Variants in TRAK1 observed in about 807,000 individuals in gnomAD.
The protein encoded by TRAK1 is trafficking kinesin-binding protein 1.
A neutral mutation model predicts 92.1 loss-of-function variants in TRAK1; 33 were observed. The observed-to-expected ratio is 0.36, with a 90% CI of 0.27 to 0.48. The LOEUF is 0.48. Among genes scored for constraint, TRAK1 ranks in the 20% least tolerant of loss-of-function variants. The pLI is 0.99. For missense variants in TRAK1, 1,123 were observed against 1,257.9 expected (o/e 0.89, Z 1.62); for synonymous variants, 521 against 517.3 (o/e 1.01, Z -0.10).
chr3:42,120,261 G>A (rs1391532227), intron 1 of TRAK1, among the ~76,000 whole-genome samples: 1 of 152,118 alleles, frequency 6.6e-6, no homozygotes, highest in Non-Finnish European at 1.5e-5. Context: ...CTGAAGCCAT[G>A]GACCTTTGGG....
chr3:42,014,069 C>G (rs927183273), exon 1 of TRAK1: 1 of 151,820 alleles, frequency 6.6e-6, no homozygotes, highest in African/African-American at 2.4e-5. Flanking sequence ...CACCGAGGCC[C>G]CCCGGCACCG....
chr3:42,043,871 A>C (rs757887140), intron 1 of TRAK1, among the ~76,000 whole-genome samples: 4 of 148,390 alleles, frequency 2.7e-5, no homozygotes, highest in Non-Finnish European at 5.9e-5. Context: ...ACGGCCTTCT[A>C]TACCTTTCAG....
chr3:42,214,859 A>G (rs1290482940), intron 14 of TRAK1, among the ~76,000 whole-genome samples: 1 of 152,232 alleles, frequency 6.6e-6, no homozygotes, highest in African/African-American at 2.4e-5. Flanking sequence ...AAAAAAATAA[A>G]TACCAAGCCT....
At chr3:42,152,302 T>A (rs1700053516) in intron 2 of TRAK1, among the ~76,000 whole-genome samples, 1 of 152,156 alleles carries the variant, frequency 6.6e-6, no homozygotes, top group Non-Finnish European at 1.5e-5. Flanking sequence ...TTCAAGTAAC[T>A]TTTACGAGAG....
chr3:42,047,018 TA>T (rs1417065979), intron 1 of TRAK1, among the ~76,000 whole-genome samples: 1 of 152,134 alleles, frequency 6.6e-6, no homozygotes, highest in Admixed American at 6.5e-5. Flanking sequence ...TTATCTAATT[TA>T]GGATAACATT....
intron 4 of TRAK1, among the ~76,000 whole-genome samples, chr3:42,187,822 T>C (rs1326762042): frequency 6.6e-6 from 1 of 152,240 alleles, no homozygotes; most frequent in East Asian, 1.9e-4. Context: ...GTAAAAATTA[T>C]GAATTTAGAC....
chr3:42,203,830 A>G lies in TRAK1; in HGVS notation c.1744+1078A>G, dbSNP rs559376173. ...TGTACTATATGTATATACATAAACAATACATAAGCAATACATCTGTGGTAT... is the reference window on the plus strand; with the variant it reads ...TGTACTATATGTATATACATAAACAGTACATAAGCAATACATCTGTGGTAT... On this transcript the variant is annotated intron_variant, in intron 13 of 15. Coordinates refer to ENST00000327628, the MANE Select transcript of TRAK1 (RefSeq NM_001042646.3). 12 of 846,970 alleles carry G rather than the reference A, an allele frequency of 1.4e-5. No individual in the cohort carries two copies. In the East Asian group the frequency reaches 1.2e-3, roughly 87 times the overall value. 52.5% of individuals were successfully genotyped at this position (846,970 alleles called of 1,614,324 possible).
chr3:42,112,763 A>G (rs893534035), intron 1 of TRAK1, among the ~76,000 whole-genome samples: 1 of 148,696 alleles, frequency 6.7e-6, no homozygotes, highest in Admixed American at 6.7e-5. Flanking sequence ...AAAACCAACT[A>G]ATTTTTTGTT....
chr3:42,190,254 T>C (rs1405036859), intron 6 of TRAK1, among the ~76,000 whole-genome samples: 1 of 152,116 alleles, frequency 6.6e-6, no homozygotes, highest in East Asian at 1.9e-4. Context: ...GTGTGTCAGG[T>C]TGGAGCTGTG....
chr3:42,223,607 A>C lies in TRAK1; in HGVS notation c.2732A>C (p.Asn911Thr). 1 of 1,613,876 alleles carries C rather than the reference A, an allele frequency of 6.2e-7. No homozygotes were observed. The highest frequency in any genetic ancestry group is 1.3e-5 in the African/African-American group (1 of 74,978). The change falls in exon 16 of 16, where the codon AAT becomes ACT. Residue 911 changes from asparagine (N) to threonine (T), a missense_variant. Physicochemically the swap from Asn to Thr is moderately conservative, Grantham distance 65. Around this residue, in one of 3 missense-constraint regions of TRAK1, gnomAD observed 401 missense variants for 438.9 expected, o/e 0.91. Transcript: ENST00000327628. This position sits in a 1 kb window ranked among gnomAD's most constrained non-coding sequence, Gnocchi z 6.1. ...AGTGCCATCGGTGGGCTGCAGCTCA[A>C]TAGTGGCATCCGGCGGAATCGCAGC... ...VTSAIGGLQLNSGIRRNRSFP... is the reference protein window; with the variant it reads ...VTSAIGGLQLTSGIRRNRSFP...
intron 1 of TRAK1, among the ~76,000 whole-genome samples, chr3:42,035,669 A>G (rs1702300033): frequency 6.6e-6 from 1 of 151,762 alleles, no homozygotes; most frequent in African/African-American, 2.4e-5. Flanking sequence ...TGTTTTCTCT[A>G]CTCTGGTGTT....
chr3:42,029,949 A>T (rs898776243), intron 1 of TRAK1, among the ~76,000 whole-genome samples: 2 of 152,006 alleles, frequency 1.3e-5, no homozygotes, highest in African/African-American at 4.8e-5. Flanking sequence ...TTGCACTGGG[A>T]TAGGTGGGAG....
At chr3:42,061,773 A>G (rs1703453858) in intron 1 of TRAK1, among the ~76,000 whole-genome samples, 1 of 152,224 alleles carries the variant, frequency 6.6e-6, no homozygotes, top group South Asian at 2.1e-4. Flanking sequence ...TTTATTAACT[A>G]ATGAATCAGG....
Position 42,176,847 on chromosome 3 carries a change from A to T in TRAK1, c.320A>T (p.Lys107Met). The change falls in exon 3 of 16, where the codon AAG becomes ATG. Residue 107 changes from lysine (K) to methionine (M), a missense_variant. Physicochemically the swap from Lys to Met is moderately conservative, Grantham distance 95 (BLOSUM62 -1). Around this residue, in one of 3 missense-constraint regions of TRAK1, gnomAD observed 686 missense variants for 747.6 expected, o/e 0.92. Transcript: ENST00000327628. ...GCTGAAAGAGTTGGCCAGATGACTA[A>T]GACATATAATGACATAGATGCTGTC... ...LCAERVGQMT[K>M]TYNDIDAVTR... The T allele has an allele frequency of 6.2e-7, 1 of 1,614,156 alleles. No homozygotes were observed. Among genetic ancestry groups the T allele is most frequent in the East Asian group, 2.2e-5 (1 of 44,888 alleles).
At chr3:42,183,994 C>T (rs373896632) in intron 3 of TRAK1, among the ~76,000 whole-genome samples, 1 of 152,164 alleles carries the variant, frequency 6.6e-6, no homozygotes, top group Non-Finnish European at 1.5e-5. Flanking sequence ...ATTCTGTGCC[C>T]TTAAGAGTGT....
Position 42,202,974 on chromosome 3 carries a change from A to C in TRAK1, c.1744+222A>C. ...TGTGACAATGCACACATAGGCCATG[A>C]AACTCGCCGAGGAAAGACAAGCATG... On this transcript the variant is annotated intron_variant, in intron 13 of 15. Coordinates refer to ENST00000327628, the MANE Select transcript of TRAK1 (RefSeq NM_001042646.3). The surrounding 1 kb of genome is among the most constrained non-coding windows in gnomAD (Gnocchi z 6.1). 1 of 1,341,334 alleles carries C rather than the reference A, an allele frequency of 7.5e-7. No homozygotes were observed. Among genetic ancestry groups the C allele is most frequent in the South Asian group, 2.2e-5 (1 of 46,206 alleles). The allele number at this position is 1,341,334 out of a possible 1,614,324, so 83.1% of individuals were successfully genotyped here. A position where few individuals can be genotyped will look rare whatever the true frequency, so the allele number is the denominator to read the frequency against.
intron 14 of TRAK1, chr3:42,218,450 T>C (rs1311862171): frequency 1.5e-5 from 1 of 68,026 alleles, no homozygotes; most frequent in Admixed American, 3.6e-4. Flanking sequence ...GAGGGTGGGG[T>C]GGGGTTGGGT....
intron 1 of TRAK1, among the ~76,000 whole-genome samples, chr3:42,066,484 C>T (rs1407893468): frequency 6.7e-5 from 10 of 149,556 alleles, no homozygotes; most frequent in Non-Finnish European, 1.5e-4. Context: ...CATCGACCCC[C>T]ACCCCCACCC....
intron 2 of TRAK1, among the ~76,000 whole-genome samples, chr3:42,133,525 T>G (rs2371796): frequency 0.48 from 73,480 of 152,050 alleles, 18,043 homozygotes; most frequent in South Asian, 0.6. Context: ...CCAGCTTCTT[T>G]TCTGTTCTTT....
Sources: gnomAD v4.1 joint callset for allele counts (sites outside exome capture counted in the v4.1 genomes callset) on GRCh38, gnomAD v4.1.1 for gene constraint, gnomAD v4.1.1 regional missense constraint, Gnocchi (gnomAD v3.1) non-coding constraint, MANE v1.5 for transcripts, NCBI Gene and HGNC (gene_info 2026-07-23, HGNC 2026-07-21) for gene names.